Variants in PRH1 observed in about 807,000 individuals in gnomAD.
PRH1 encodes proline rich protein HaeIII subfamily 1.
A neutral mutation model predicts 7.9 loss-of-function variants in PRH1; 7 were observed. That is an observed-to-expected ratio of 0.89 (90% CI 0.50 to 1.67). The LOEUF (loss-of-function observed/expected upper bound fraction) is 1.67, where lower values mean the gene tolerates loss of function less well. Ranked by LOEUF, PRH1 falls within the 40% of genes most tolerant of loss-of-function variation. The pLI is 0.00. For synonymous variants in PRH1, 45 were observed against 80.8 expected (o/e 0.56, Z 2.38); for missense variants, 109 against 223.6 (o/e 0.49, Z 3.27).
At chr12:11,057,395 G>C (rs2136169421) in intron 1 of PRH1, among the ~76,000 whole-genome samples, 1 of 152,276 alleles carries the variant, frequency 6.6e-6, no homozygotes, top group Non-Finnish European at 1.5e-5. Flanking sequence ...ACCTCTTCCT[G>C]AACGTGTAAT....
chr12:10,962,773 T>C (rs745398203), intron 2 of PRH1, among the ~76,000 whole-genome samples: 3 of 152,202 alleles, frequency 2.0e-5, no homozygotes, highest in Non-Finnish European at 4.4e-5. Flanking sequence ...CTGTTTTTTG[T>C]TGTTGTTGTT....
intron 1 of PRH1, among the ~76,000 whole-genome samples, chr12:11,091,117 T>C (rs199540487): frequency 0.2 from 2,887 of 14,722 alleles, 870 homozygotes; most frequent in South Asian, 0.44. Flanking sequence ...CACACACACA[T>C]ATATATATAT....
chr12:10,951,588 C>G (rs1322854843), intron 2 of PRH1, among the ~76,000 whole-genome samples: 1 of 152,080 alleles, frequency 6.6e-6, no homozygotes, highest in East Asian at 1.9e-4. Context: ...GCCCTATTTT[C>G]CTACTCATAA....
At chr12:11,124,037 G>A (rs1322981184) in intron 1 of PRH1, among the ~76,000 whole-genome samples, 1 of 152,160 alleles carries the variant, frequency 6.6e-6, no homozygotes, top group Non-Finnish European at 1.5e-5. Context: ...ACTTTGGTCA[G>A]AGAATAGAAT....
At chr12:10,998,859 A>G (rs1056561528) in intron 1 of PRH1, among the ~76,000 whole-genome samples, 2 of 152,168 alleles carry the variant, frequency 1.3e-5, no homozygotes, top group African/African-American at 4.8e-5. Context: ...TGATGAACAG[A>G]AAATTACTAC....
At chr12:11,049,025 T>G, upstream of PRH1, 1 of 239,106 alleles carries the variant, frequency 4.2e-6, no homozygotes, top group Non-Finnish European at 8.6e-6. Context: ...TTACTTCTAA[T>G]CTATGTGAAG....
At chr12:11,042,330 GAAC>G (rs1942739033) in intron 1 of PRH1, among the ~76,000 whole-genome samples, 1 of 151,762 alleles carries the variant, frequency 6.6e-6, no homozygotes, top group East Asian at 1.9e-4. Context: ...TGACTAGTAT[GAAC>G]AACTATATAT....
intron 1 of PRH1, among the ~76,000 whole-genome samples, chr12:11,035,352 G>A (rs767910307): frequency 1.8e-4 from 28 of 152,014 alleles, no homozygotes; most frequent in African/African-American, 3.1e-4. Context: ...CTATCTATTC[G>A]TCTCTTTATC....
At chr12:11,123,668 T>C (rs575863934) in intron 1 of PRH1, among the ~76,000 whole-genome samples, 58 of 152,170 alleles carry the variant, frequency 3.8e-4, no homozygotes, top group South Asian at 1.9e-3. Flanking sequence ...AGAAGTATGT[T>C]ACATATTCCA....
At position 11,168,200 on chromosome 12, in the gene PRH1, CGAAAGAAAGAAAGAAGAAA is replaced by C. The variant is rs1292416321; in HGVS notation, n.39+3203_39+3221del. Among the ~76,000 whole-genome samples the C allele has an allele frequency of 3.4e-3, 123 of 36,372 alleles. 22 individuals are homozygous for C. The East Asian group carries it at 0.088, about 26-fold the overall frequency. The allele number at this position is 36,372 out of a possible 152,430, so 23.9% of individuals were successfully genotyped here. The stretch of plus-strand genomic sequence containing the variant: ...TACATATTAAAGCCATGGCAAAAAA[CGAAAGAAAGAAAGAAGAAA>C]GAAAGAAAGAAAGAAAGAAAGAAAG... On this transcript the variant is annotated intron_variant and non_coding_transcript_variant, in intron 1 of 1. Coordinates refer to the PRH1 transcript ENST00000541175.
chr12:11,127,205 T>C lies in PRH1; in HGVS notation n.40-6025A>G, dbSNP rs1435961184. Among the ~76,000 whole-genome samples, 3 of 152,300 alleles carry C rather than the reference T, an allele frequency of 2.0e-5. No individual in the cohort carries two copies. In the South Asian group the frequency reaches 6.2e-4, roughly 31 times the overall value. On this transcript the variant is annotated intron_variant and non_coding_transcript_variant, in intron 1 of 1. Coordinates refer to the PRH1 transcript ENST00000541175. ...TCCTATTCAAATACTATATGCTTGTTATAAGATAAAATTTTTCATACTGAT... is the reference window on the plus strand; with the variant it reads ...TCCTATTCAAATACTATATGCTTGTCATAAGATAAAATTTTTCATACTGAT...
chr12:10,938,744 C>T, intron 2 of PRH1: 1 of 1,613,760 alleles, frequency 6.2e-7, no homozygotes, highest in Non-Finnish European at 8.5e-7. Context: ...TCCATTGATA[C>T]TGGCATTTAT....
At chr12:11,133,963 G>T in intron 1 of PRH1, 1 of 1,614,124 alleles carries the variant, frequency 6.2e-7, no homozygotes, top group Non-Finnish European at 8.5e-7. Flanking sequence ...GCCAGCTGCT[G>T]AAATGGTTGG....
intron 2 of PRH1, among the ~76,000 whole-genome samples, chr12:10,959,326 G>C (rs920458488): frequency 1.8e-4 from 11 of 62,220 alleles, no homozygotes; most frequent in African/African-American, 6.3e-4. Flanking sequence ...ATGTCAAATA[G>C]TCTATTAGAG....
chr12:11,092,560 C>T (rs139124952), intron 1 of PRH1, among the ~76,000 whole-genome samples: 2,965 of 112,536 alleles, frequency 0.026, 872 homozygotes, highest in South Asian at 0.04. Context: ...CTCCCTCCGA[C>T]TGGCTACTTT....
At chr12:11,024,907 C>A (rs1482545810) in intron 1 of PRH1, among the ~76,000 whole-genome samples, 12 of 152,238 alleles carry the variant, frequency 7.9e-5, no homozygotes, top group Non-Finnish European at 1.5e-4. Flanking sequence ...TCTCCAGCCT[C>A]TTTATTGCTA....
rs756437448 is a variant in PRH1 at position 11,072,936 on chromosome 12, TTAA to T, written n.124-25751_124-25749del. Among the ~76,000 whole-genome samples, 362 of 152,030 alleles carry T rather than the reference TTAA, an allele frequency of 2.4e-3. 2 individuals carry two copies. The highest frequency in any genetic ancestry group is 3.6e-3 in the Non-Finnish European group (247 of 67,952). ...TTTTGCAAAACATCATGTTAATTTA[TTAA>T]TAATGTTACAGTAATTGGTGCAATA... is the stretch of plus-strand genomic sequence containing the variant. On this transcript the variant is annotated intron_variant and non_coding_transcript_variant, in intron 1 of 4. Transcript: ENST00000541977.
At chr12:10,957,744 A>T (rs1454876366) in intron 2 of PRH1, among the ~76,000 whole-genome samples, 1 of 152,178 alleles carries the variant, frequency 6.6e-6, no homozygotes. Flanking sequence ...ACCATTAAAA[A>T]TTTGATAAAG....
At chr12:11,122,712 T>TC (rs1945951918) in intron 1 of PRH1, among the ~76,000 whole-genome samples, 2 of 152,286 alleles carry the variant, frequency 1.3e-5, no homozygotes. Context: ...TGTATACAAA[T>TC]AGTGGATTTT....
Sources: allele counts gnomAD v4.1 joint callset (sites outside exome capture counted in the v4.1 genomes callset), GRCh38; gene constraint gnomAD v4.1.1; transcripts MANE v1.5; gene names NCBI Gene and HGNC (gene_info 2026-07-23, HGNC 2026-07-21).